Variants in GRIK2 observed in about 807,000 individuals in gnomAD.
GRIK2 encodes glutamate ionotropic receptor kainate type subunit 2.
A neutral mutation model predicts 100.3 loss-of-function variants in GRIK2; 32 were observed. The observed-to-expected ratio is 0.32, with a 90% CI of 0.24 to 0.43. The LOEUF (loss-of-function observed/expected upper bound fraction) is 0.43, where lower values mean the gene tolerates loss of function less well. Among genes scored for constraint, GRIK2 ranks in the 20% least tolerant of loss-of-function variants. GRIK2 has a pLI of 1.00. For synonymous variants in GRIK2, 417 were observed against 389.4 expected (o/e 1.07, Z -0.83); for missense variants, 843 against 1,114.9 (o/e 0.76, Z 3.47).
chr6:101,409,108 ATGTGTGTGTGTGTGTG>A (rs67806970), intron 2 of GRIK2, among the ~76,000 whole-genome samples: 19 of 138,532 alleles, frequency 1.4e-4, no homozygotes, highest in South Asian at 2.4e-4. Flanking sequence ...AACATTGTGT[ATGTGTGTGTGTGTGTG>A]TGTGTGTGTG....
At chr6:102,001,083 A>G (rs1393097586) in intron 14 of GRIK2, among the ~76,000 whole-genome samples, 2 of 152,102 alleles carry the variant, frequency 1.3e-5, no homozygotes, top group Non-Finnish European at 2.9e-5. Flanking sequence ...TGAGTGAGTG[A>G]AAGTCATTAT....
chr6:101,592,044 C>G (rs940938108), intron 2 of GRIK2, among the ~76,000 whole-genome samples: 7 of 151,924 alleles, frequency 4.6e-5, no homozygotes, highest in Non-Finnish European at 1.5e-5. Context: ...GTTTAAAAGT[C>G]TGGGGTCTCC....
chr6:101,676,977 A>T (rs1318560519), intron 5 of GRIK2, among the ~76,000 whole-genome samples, 173 bp downstream of exon 5: 3 of 152,160 alleles, frequency 2.0e-5, no homozygotes, highest in African/African-American at 4.8e-5. Context: ...AAGAAAAGTA[A>T]TGTAAACATT....
intron 7 of GRIK2, among the ~76,000 whole-genome samples, chr6:101,762,628 A>G (rs1044562227): frequency 6.6e-6 from 1 of 152,160 alleles, no homozygotes; most frequent in Non-Finnish European, 1.5e-5. Context: ...GAATCCAGGT[A>G]TTCAGGGTGA....
chr6:102,006,385 TA>T (rs1157558698), intron 14 of GRIK2, among the ~76,000 whole-genome samples: 13 of 117,176 alleles, frequency 1.1e-4, no homozygotes, highest in African/African-American at 5.6e-4. Flanking sequence ...TATATATATA[TA>T]TATATTTTTT....
At chr6:101,638,705 TGTAG>T (rs200282099) in intron 4 of GRIK2, among the ~76,000 whole-genome samples, 2,857 of 152,252 alleles carry the variant, frequency 0.019, 45 homozygotes, top group Non-Finnish European at 0.028. Context: ...TATGTAGATC[TGTAG>T]ATATATGATG....
chr6:102,035,686 T>C, intron 15 of GRIK2, 120 bp downstream of exon 15: 4 of 613,390 alleles, frequency 6.5e-6, no homozygotes, highest in Non-Finnish European at 1.2e-5. Context: ...TGCATCCTGC[T>C]ACCTCTCTGA....
At chr6:101,799,879 T>C in intron 8 of GRIK2, 88 bp downstream of exon 8, 1 of 1,005,110 alleles carries the variant, frequency 9.9e-7, no homozygotes, top group Non-Finnish European at 1.5e-6. Flanking sequence ...GCAAGTGTCC[T>C]TTTACTTTAT....
chr6:101,673,856 A>G (rs774022242), intron 4 of GRIK2, among the ~76,000 whole-genome samples: 1 of 152,136 alleles, frequency 6.6e-6, no homozygotes, highest in South Asian at 2.1e-4. Context: ...TTGTCTTTCT[A>G]TAGTGAAAGA....
intron 11 of GRIK2, among the ~76,000 whole-genome samples, chr6:101,871,371 G>A (rs746791867): frequency 9.2e-5 from 14 of 151,702 alleles, no homozygotes; most frequent in African/African-American, 9.7e-5. Context: ...ATTTCATGAA[G>A]TGTCTTCTTT....
chr6:102,042,419 A>AAAAT (rs1262567382), intron 15 of GRIK2, among the ~76,000 whole-genome samples: 2 of 151,740 alleles, frequency 1.3e-5, no homozygotes, highest in African/African-American at 4.8e-5. Context: ...AATTTGACAT[A>AAAAT]AAATAGAGAA....
intron 15 of GRIK2, among the ~76,000 whole-genome samples, chr6:102,036,161 A>T (rs1371596372): frequency 1.3e-5 from 2 of 151,136 alleles, no homozygotes; most frequent in African/African-American, 4.8e-5. Context: ...TTTCCAGAAA[A>T]CCATAATAAA....
chr6:101,915,113 TAAAG>T (rs1789015142), intron 12 of GRIK2, among the ~76,000 whole-genome samples: 1 of 151,306 alleles, frequency 6.6e-6, no homozygotes, highest in African/African-American at 2.4e-5. Context: ...TATGTACAAT[TAAAG>T]AAAAAATGAT....
At chr6:102,016,981 T>C (rs774500709) in intron 14 of GRIK2, among the ~76,000 whole-genome samples, 2 of 152,082 alleles carry the variant, frequency 1.3e-5, no homozygotes, top group Non-Finnish European at 2.9e-5. Context: ...TCAACATTCT[T>C]AAAGAAAAGA....
intron 2 of GRIK2, among the ~76,000 whole-genome samples, chr6:101,441,833 T>G (rs1770082823): frequency 6.6e-6 from 1 of 152,156 alleles, no homozygotes; most frequent in African/African-American, 2.4e-5. Flanking sequence ...CCCTTCTTTG[T>G]GTCCATGTGT....
chr6:101,735,037 G>A (rs976231064), intron 7 of GRIK2, among the ~76,000 whole-genome samples: 3 of 152,160 alleles, frequency 2.0e-5, no homozygotes, highest in Admixed American at 2.0e-4. Context: ...GCTAGATTTA[G>A]CAAATATATT....
At chr6:101,538,463 T>C (rs146644464) in intron 2 of GRIK2, among the ~76,000 whole-genome samples, 330 of 151,834 alleles carry the variant, frequency 2.2e-3, no homozygotes, top group Middle Eastern at 6.8e-3. Flanking sequence ...ATTATAAAGT[T>C]TTATGATAGA....
chr6:101,451,244 T>C (rs1191743721), intron 2 of GRIK2, among the ~76,000 whole-genome samples: 1 of 151,742 alleles, frequency 6.6e-6, no homozygotes, highest in Non-Finnish European at 1.5e-5. Flanking sequence ...TTGAGCTCAA[T>C]TGTCATTCCG....
chr6:101,845,408 G>GA (rs1199603346), intron 10 of GRIK2, among the ~76,000 whole-genome samples: 4 of 152,142 alleles, frequency 2.6e-5, no homozygotes, highest in Non-Finnish European at 4.4e-5. Context: ...CTAGAATCAT[G>GA]TACTGTGTGG....
Sources: gnomAD v4.1 joint callset for allele counts (sites outside exome capture counted in the v4.1 genomes callset) on GRCh38, gnomAD v4.1.1 for gene constraint, MANE v1.5 for transcripts, NCBI Gene and HGNC (gene_info 2026-07-23, HGNC 2026-07-21) for gene names.